The following FBN3 variants were observed in gnomAD, a reference collection of about 807,000 sequenced individuals.
The protein encoded by FBN3 is fibrillin 3.
Under a neutral mutation model 330.1 loss-of-function variants are expected in FBN3, and 234 were observed. The ratio of observed to expected loss-of-function variants is 0.71; its 90% confidence interval spans 0.64 to 0.79. FBN3 has a LOEUF of 0.79. Among genes scored for constraint, FBN3 ranks in the 30% least tolerant of loss-of-function variants. The pLI is 0.00. For missense variants in FBN3, 3,606 were observed against 3,886.9 expected, an observed-to-expected ratio of 0.93 and a Z score of 1.92; for synonymous variants, 1,458 against 1,517.3, an observed-to-expected ratio of 0.96 and a Z score of 0.91.
At chr19:8,086,461 TATTATTA>T in intron 54 of FBN3, 136 bp from the exon 55 acceptor site, 2 of 286,674 alleles carry the variant, frequency 7.0e-6, no homozygotes, top group Non-Finnish European at 5.9e-6. Flanking sequence ...TTATTATTAT[TATTATTA>T]TTTTTTGAGA....
intron 63 of FBN3, 145 bp downstream of exon 63, chr19:8,071,903 G>A (rs978080395): frequency 3.1e-5 from 25 of 810,740 alleles, no homozygotes; most frequent in Admixed American, 2.1e-4. Flanking sequence ...GCCCTAAGCC[G>A]GCACCATGAC....
chr19:8,084,431 G>T lies in FBN3; in HGVS notation c.7087+932C>A, dbSNP rs540726536. Among the ~76,000 whole-genome samples, 552 of 151,956 alleles carry T rather than the reference G, an allele frequency of 3.6e-3. 5 individuals are homozygous for T. The highest frequency in any genetic ancestry group is 0.012 in the African/African-American group (517 of 41,500). On this transcript the variant is annotated intron_variant, in intron 56 of 63. Transcript: ENST00000600128. ...TCATGCCTGTAATCCCAGCATTTTGGGAGGCTGAGGTGGGCGGATCACTTG... is the reference window on the plus strand; with the variant it reads ...TCATGCCTGTAATCCCAGCATTTTGTGAGGCTGAGGTGGGCGGATCACTTG...
chr19:8,102,624 A>G (rs1599345499), intron 40 of FBN3, 100 bp downstream of exon 40: 1 of 1,215,630 alleles, frequency 8.2e-7, no homozygotes, highest in East Asian at 2.4e-5. Flanking sequence ...TCTCATCAGA[A>G]CAAGGAGGAT....
intron 62 of FBN3, 108 bp downstream of exon 62, chr19:8,072,955 G>T: frequency 1.1e-6 from 1 of 901,378 alleles, no homozygotes; most frequent in Non-Finnish European, 1.7e-6. Context: ...TTCTTGGCAT[G>T]CACAAAGCCC....
chr19:8,089,893 C>T lies in FBN3; in HGVS notation c.6250+1G>A. On this transcript the variant is annotated splice_donor_variant, in intron 50 of 63. Transcript: ENST00000600128. LOFTEE classifies it high-confidence loss of function. ...TCTTAGCATGTGGGTGAGGGGCTCACCTTCTCGGGAGTCATCCGGGCCTGG... is the reference window on the plus strand; with the variant it reads ...TCTTAGCATGTGGGTGAGGGGCTCATCTTCTCGGGAGTCATCCGGGCCTGG... 1 of 1,595,388 alleles carries T rather than the reference C, an allele frequency of 6.3e-7. No homozygotes were observed. Among genetic ancestry groups the T allele is most frequent in the Non-Finnish European group, 8.5e-7 (1 of 1,171,994 alleles).
At chr19:8,066,365 C>G in intron 63 of FBN3, 105 bp from the exon 64 acceptor site, 1 of 833,078 alleles carries the variant, frequency 1.2e-6, no homozygotes, top group Non-Finnish European at 1.9e-6. Context: ...TGGCCAATCT[C>G]TAAAGTGAAG....
intron 55 of FBN3, 96 bp downstream of exon 55, chr19:8,086,104 G>GA: frequency 1.8e-6 from 1 of 557,414 alleles, no homozygotes; most frequent in South Asian, 2.6e-5. Context: ...GAGTGAAGGG[G>GA]GCAGGCAGTG....
chr19:8,136,177 T>C lies in FBN3; in HGVS notation c.1465+13A>G. 6 of 1,613,554 alleles carry C rather than the reference T, an allele frequency of 3.7e-6. No individual in the cohort carries two copies. The African/African-American group carries it at 4.0e-5, about 11-fold the overall frequency. ...CAACAACATCACCCCTACTCTTGGA[T>C]GGACAGCCGTACCCACGCATGCCTG... On this transcript the variant is annotated intron_variant, in intron 12 of 63. Coordinates refer to ENST00000600128, the MANE Select transcript of FBN3 (RefSeq NM_032447.5).
chr19:8,118,764 C>A, intron 26 of FBN3, 133 bp downstream of exon 26: 1 of 1,128,402 alleles, frequency 8.9e-7, no homozygotes. Context: ...CACGCTCACA[C>A]ATAGGTATGG....
intron 56 of FBN3, among the ~76,000 whole-genome samples, chr19:8,084,681 G>A (rs2081893630): frequency 6.6e-6 from 1 of 151,962 alleles, no homozygotes. Context: ...CTGCCTCCCG[G>A]ATTCAAGGGA....
intron 47 of FBN3, among the ~76,000 whole-genome samples, chr19:8,091,878 T>A (rs1381153161): frequency 6.6e-6 from 1 of 152,144 alleles, no homozygotes; most frequent in Non-Finnish European, 1.5e-5. Context: ...AGTGTGGCGA[T>A]TCCTTAAAGA....
At chr19:8,111,600 C>T (rs755753267) in intron 32 of FBN3, 48 bp downstream of exon 32, 32 of 1,404,816 alleles carry the variant, frequency 2.3e-5, no homozygotes, top group African/African-American at 1.7e-4. Flanking sequence ...ATTCAGCCCC[C>T]GTGGCTGTCC....
chr19:8,111,364 G>A (rs1420662127), intron 32 of FBN3, among the ~76,000 whole-genome samples, 181 bp from the exon 33 acceptor site: 1 of 152,086 alleles, frequency 6.6e-6, no homozygotes, highest in Non-Finnish European at 1.5e-5. Flanking sequence ...GACAGGGAGG[G>A]GAGAGGTGGT....
In FBN3 at chr19:8,086,005, G is replaced by GA. The variant is rs377110835; in HGVS notation, c.6880+194_6880+195insT. Among the ~76,000 whole-genome samples, 56 of 104,662 alleles carry GA rather than the reference G, an allele frequency of 5.4e-4. 2 individuals carry two copies. The highest frequency in any genetic ancestry group is 6.7e-4 in the African/African-American group (19 of 28,362). 68.7% of individuals were successfully genotyped at this position (104,662 alleles called of 152,430 possible). The stretch of plus-strand genomic sequence containing the variant: ...AGGCAGTGGGAGGGACAGGCAGTGG[G>GA]GGGACAGGCAGTGGGAGGGACAGGC... On this transcript the variant is annotated intron_variant, in intron 55 of 63. Coordinates refer to ENST00000600128, the MANE Select transcript of FBN3 (RefSeq NM_032447.5).
rs746197511 is a variant in FBN3 at position 8,121,404 on chromosome 19, AGAGGCCG to A, written c.3083-25_3083-19del. 8.8e-5 allele frequency: 137 copies of A among 1,548,114 alleles called. No homozygotes were observed. Among genetic ancestry groups the A allele is most frequent in the Middle Eastern group, 3.5e-4 (2 of 5,758 alleles). On this transcript the variant is annotated intron_variant, in intron 24 of 63. Transcript: ENST00000600128. The surrounding 1 kb of genome is among the most constrained non-coding windows in gnomAD (Gnocchi z 4.5). Reference sequence around the variant, plus strand: ...GTCGATATCTGTGGGGAGAGGGGGCAGAGGCCGGAGGCGCCATGTGGGCCGCATCATG... The same window carrying A: ...GTCGATATCTGTGGGGAGAGGGGGCAGAGGCGCCATGTGGGCCGCATCATG...
chr19:8,097,444 C>G, intron 41 of FBN3, 30 bp from the exon 42 acceptor site: 1 of 1,571,816 alleles, frequency 6.4e-7, no homozygotes, highest in Non-Finnish European at 8.7e-7. Context: ...TCAGGGGCAG[C>G]CCAGCCCCCT....
At chr19:8,117,423 G>T in intron 27 of FBN3, 41 bp downstream of exon 27, 1 of 1,556,580 alleles carries the variant, frequency 6.4e-7, no homozygotes, top group Non-Finnish European at 8.7e-7. Flanking sequence ...GTCTGGGACT[G>T]TGGTTGGTGC....
intron 22 of FBN3, among the ~76,000 whole-genome samples, chr19:8,125,080 C>T (rs1206814858): frequency 6.6e-6 from 1 of 152,108 alleles, no homozygotes; most frequent in Non-Finnish European, 1.5e-5. Flanking sequence ...GAGGTGGGGG[C>T]TATGTGTTCA....
intron 63 of FBN3, 88 bp downstream of exon 63, chr19:8,071,960 G>T (rs955482440): frequency 1.6e-5 from 21 of 1,345,112 alleles, no homozygotes; most frequent in South Asian, 6.8e-5. Flanking sequence ...TTCTTGGGGG[G>T]GCTGACATGA....
Sources: allele counts gnomAD v4.1 joint callset (sites outside exome capture counted in the v4.1 genomes callset), GRCh38; gene constraint gnomAD v4.1.1; non-coding constraint Gnocchi (gnomAD v3.1); transcripts MANE v1.5; gene names NCBI Gene and HGNC (gene_info 2026-07-23, HGNC 2026-07-21).